The following PHF20L1 variants were observed in gnomAD, a reference collection of about 807,000 sequenced individuals.
PHF20L1 encodes PHD finger protein 20 like 1.
Under a neutral mutation model 125.5 loss-of-function variants are expected in PHF20L1, and 44 were observed. The observed-to-expected ratio is 0.35, with a 90% CI of 0.28 to 0.45. The LOEUF (loss-of-function observed/expected upper bound fraction) is 0.45, where lower values mean the gene tolerates loss of function less well. Ranked by LOEUF, PHF20L1 falls within the 20% of genes least tolerant of loss-of-function variation. The probability of loss-of-function intolerance (pLI) is 1.00; values close to 1 mark genes in which losing one functional copy is unlikely to be tolerated. For missense variants in PHF20L1, 1,012 were observed against 1,217.2 expected (o/e 0.83, Z 2.51); for synonymous variants, 380 against 403.1 (o/e 0.94, Z 0.69).
At chr8:132,792,777 T>C (rs1374406499) in intron 2 of PHF20L1, among the ~76,000 whole-genome samples, 3 of 152,106 alleles carry the variant, frequency 2.0e-5, no homozygotes, top group Admixed American at 6.6e-5. Context: ...TCCTTAGCTA[T>C]TTGCTATCTC....
chr8:132,836,354 A>G (rs928349896), intron 15 of PHF20L1, 186 bp from the exon 16 acceptor site: 4 of 494,984 alleles, frequency 8.1e-6, no homozygotes, highest in Non-Finnish European at 7.1e-6. Context: ...AGTCATAATT[A>G]CCTAAGCTTC....
intron 9 of PHF20L1, among the ~76,000 whole-genome samples, chr8:132,813,822 C>A (rs1834656193): frequency 6.6e-6 from 1 of 151,760 alleles, no homozygotes; most frequent in Admixed American, 6.6e-5. Flanking sequence ...AATTTTACAG[C>A]CAAATGAATA....
At chr8:132,816,630 G>A in intron 10 of PHF20L1, 1 of 336,428 alleles carries the variant, frequency 3.0e-6, no homozygotes, top group African/African-American at 2.2e-5. Flanking sequence ...ACTTGGGGGA[G>A]CTACTTGAAA....
At chr8:132,807,759 A>G (rs1289164780) in intron 8 of PHF20L1, 1 of 455,862 alleles carries the variant, frequency 2.2e-6, no homozygotes, top group African/African-American at 2.0e-5. Flanking sequence ...CTAATATAGA[A>G]TACTGGAAGG....
At chr8:132,796,802 A>G (rs551875972) in intron 4 of PHF20L1, among the ~76,000 whole-genome samples, 2 of 152,082 alleles carry the variant, frequency 1.3e-5, no homozygotes, top group Non-Finnish European at 2.9e-5. Context: ...GTCAGTAACA[A>G]TTTGTGGAAG....
At chr8:132,837,467 CTT>C (rs1423681966) in intron 16 of PHF20L1, among the ~76,000 whole-genome samples, 6 of 152,030 alleles carry the variant, frequency 3.9e-5, no homozygotes, top group African/African-American at 1.4e-4. Flanking sequence ...GAAATTATGA[CTT>C]AAGTACTTGA....
intron 2 of PHF20L1, among the ~76,000 whole-genome samples, chr8:132,779,985 C>T (rs749777394): frequency 1.3e-5 from 2 of 152,144 alleles, no homozygotes; most frequent in East Asian, 3.9e-4. Context: ...AAGCATTAGC[C>T]AGGATAATCA....
intron 4 of PHF20L1, among the ~76,000 whole-genome samples, chr8:132,796,199 A>G (rs1385345258): frequency 6.6e-6 from 1 of 152,082 alleles, no homozygotes; most frequent in Non-Finnish European, 1.5e-5. Flanking sequence ...AACAAGTGGG[A>G]GAGGCATGCC....
intron 2 of PHF20L1, among the ~76,000 whole-genome samples, chr8:132,780,393 C>T (rs1830290161): frequency 6.6e-6 from 1 of 152,020 alleles, no homozygotes; most frequent in Non-Finnish European, 1.5e-5. Flanking sequence ...CATGGAAATT[C>T]TGTAAATTTT....
intron 8 of PHF20L1, among the ~76,000 whole-genome samples, chr8:132,805,863 A>C (rs1389080832): frequency 6.6e-6 from 1 of 151,932 alleles, no homozygotes; most frequent in African/African-American, 2.4e-5. Context: ...CTGATAAAGG[A>C]TATACTTGGC....
chr8:132,777,725 T>G lies in PHF20L1; in HGVS notation c.-37-67T>G. The G allele has an allele frequency of 1.6e-5, 11 of 705,668 alleles. No individual in the cohort carries two copies. The South Asian group carries it at 1.8e-4, about 12-fold the overall frequency. 43.7% of individuals were successfully genotyped at this position (705,668 alleles called of 1,614,324 possible). ...AATTCTGTTTAATTTTAATTTGACC[T>G]GTTCCCTTATACTCTACTTCCTATG... On this transcript the variant is annotated intron_variant, in intron 1 of 20. Coordinates refer to ENST00000395386, the MANE Select transcript of PHF20L1 (RefSeq NM_016018.5).
chr8:132,820,563 A>G (rs546508271), intron 12 of PHF20L1, among the ~76,000 whole-genome samples: 13 of 152,076 alleles, frequency 8.5e-5, no homozygotes, highest in African/African-American at 2.6e-4. Context: ...GATTGCCCCA[A>G]GAGGCCTCTG....
At chr8:132,798,953 G>T in intron 5 of PHF20L1, 93 bp downstream of exon 5, 1 of 1,073,758 alleles carries the variant, frequency 9.3e-7, no homozygotes, top group South Asian at 1.5e-5. Flanking sequence ...TTTTAAAAAT[G>T]AACTAATTGT....
intron 2 of PHF20L1, among the ~76,000 whole-genome samples, chr8:132,791,692 T>G (rs1350131801): frequency 6.6e-6 from 1 of 152,230 alleles, no homozygotes; most frequent in Non-Finnish European, 1.5e-5. Flanking sequence ...ACCTTTAAGA[T>G]TCAAAATTTG....
At chr8:132,797,375 T>C (rs907981950) in intron 4 of PHF20L1, among the ~76,000 whole-genome samples, 3 of 151,938 alleles carry the variant, frequency 2.0e-5, no homozygotes, top group African/African-American at 7.2e-5. Context: ...ACTGGAGTCA[T>C]TGGGGAAGTT....
intron 15 of PHF20L1, chr8:132,836,291 T>A: frequency 3.5e-6 from 1 of 283,724 alleles, no homozygotes; most frequent in Non-Finnish European, 6.6e-6. Flanking sequence ...AAGCATGAAG[T>A]CTAAAAGACA....
At chr8:132,801,506 C>T (rs552829730) in intron 6 of PHF20L1, among the ~76,000 whole-genome samples, 4 of 151,608 alleles carry the variant, frequency 2.6e-5, no homozygotes, top group East Asian at 3.9e-4. Context: ...ACAAAGAGCT[C>T]GAAAACATCA....
Position 132,777,911 on chromosome 8 carries a change from G to C in PHF20L1, c.83G>C (p.Trp28Ser). 6.3e-7 allele frequency: 1 copy of C among 1,585,764 alleles called. No homozygotes were observed. The change falls in exon 2 of 21, where the codon TGG becomes TCG. Residue 28 changes from tryptophan to serine, a missense_variant and splice_region_variant. Around this residue, in one of 7 missense-constraint regions of PHF20L1, gnomAD observed 94 missense variants for 179.5 expected, o/e 0.52. Coordinates refer to ENST00000395386, the MANE Select transcript of PHF20L1 (RefSeq NM_016018.5). ...RLEALDYLQK[W>S]YPSRIEKIDY... ...GAGGCACTGGACTACTTACAAAAAT[G>C]GTATGGAAAATATAGAACTTTCACC...
At chr8:132,843,664 G>C (rs1220801353) in intron 19 of PHF20L1, 105 of 982,934 alleles carry the variant, frequency 1.1e-4, no homozygotes, top group Non-Finnish European at 1.2e-4. Flanking sequence ...TTTGAAACTT[G>C]TAAAAGGTTT....
Sources: allele counts gnomAD v4.1 joint callset (sites outside exome capture counted in the v4.1 genomes callset), GRCh38; gene constraint gnomAD v4.1.1; regional missense constraint gnomAD v4.1.1; transcripts MANE v1.5; gene names NCBI Gene and HGNC (gene_info 2026-07-23, HGNC 2026-07-21).